The following SHISA9 variants were observed in gnomAD, a reference collection of about 807,000 sequenced individuals.
SHISA9 encodes the protein shisa family member 9.
Under a neutral mutation model 38.0 loss-of-function variants are expected in SHISA9, and 13 were observed. That is an observed-to-expected ratio of 0.34 (90% CI 0.22 to 0.54). SHISA9 has a LOEUF of 0.54. Among genes scored for constraint, SHISA9 ranks in the 20% least tolerant of loss-of-function variants. SHISA9 has a pLI of 0.91. For synonymous variants in SHISA9, 275 were observed against 242.0 expected, an observed-to-expected ratio of 1.14 and a Z score of -1.27; for missense variants, 538 against 575.8, an observed-to-expected ratio of 0.93 and a Z score of 0.67.
At chr16:12,929,029 A>G (rs1469209131) in intron 2 of SHISA9, among the ~76,000 whole-genome samples, 1 of 152,226 alleles carries the variant, frequency 6.6e-6, no homozygotes, top group African/African-American at 2.4e-5. Flanking sequence ...TGGCCAAAAA[A>G]CATAGAAAAA....
downstream of SHISA9, among the ~76,000 whole-genome samples, chr16:13,244,073 T>C (rs1439460395): frequency 6.6e-6 from 1 of 152,108 alleles, no homozygotes; most frequent in Non-Finnish European, 1.5e-5. Context: ...GGCTTTCTGA[T>C]TCTCTAACAG....
At chr16:12,947,698 C>T (rs892307259) in intron 2 of SHISA9, among the ~76,000 whole-genome samples, 1 of 152,170 alleles carries the variant, frequency 6.6e-6, no homozygotes, top group African/African-American at 2.4e-5. Flanking sequence ...GATAACTCAT[C>T]TATCACTGGG....
At chr16:13,440,551 G>A in the SHISA9 span, among the ~76,000 whole-genome samples, 3 of 152,200 alleles carry the variant, frequency 2.0e-5, no homozygotes, top group Admixed American at 2.0e-4. Context: ...TAGTTATTCT[G>A]TTAACAGAGT....
chr16:13,231,803 T>C, intron 4 of SHISA9, among the ~76,000 whole-genome samples: 1 of 152,192 alleles, frequency 6.6e-6, no homozygotes, highest in East Asian at 1.9e-4. Context: ...CAGGGACATA[T>C]TTTTGTTTCA....
chr16:13,517,954 C>T, the SHISA9 span, among the ~76,000 whole-genome samples: 1 of 152,312 alleles, frequency 6.6e-6, no homozygotes, highest in East Asian at 1.9e-4. Flanking sequence ...TTTACAGAAT[C>T]CCTGCTCTTC....
At chr16:13,415,903 T>C in the SHISA9 span, among the ~76,000 whole-genome samples, 1,974 of 152,082 alleles carry the variant, frequency 0.013, 51 homozygotes, top group African/African-American at 0.045. Flanking sequence ...ATTATATTTA[T>C]ATGAAATTCA....
chr16:13,344,131 G>C, the SHISA9 span, among the ~76,000 whole-genome samples: 1 of 152,110 alleles, frequency 6.6e-6, no homozygotes, highest in Non-Finnish European at 1.5e-5. Context: ...CTCTTCAAGG[G>C]AAAACCCTGG....
At chr16:13,549,240 T>C in the SHISA9 span, among the ~76,000 whole-genome samples, 2 of 152,116 alleles carry the variant, frequency 1.3e-5, no homozygotes. Context: ...AATGGGGAGA[T>C]GTAGGTCAGT....
intron 2 of SHISA9, among the ~76,000 whole-genome samples, chr16:13,164,547 A>G (rs2050620488): frequency 6.6e-6 from 1 of 152,088 alleles, no homozygotes; most frequent in African/African-American, 2.4e-5. Flanking sequence ...GTTTTGTAAA[A>G]TTAATATTAT....
the SHISA9 span, among the ~76,000 whole-genome samples, chr16:13,423,556 A>G: frequency 1.3e-5 from 2 of 152,122 alleles, no homozygotes; most frequent in Non-Finnish European, 2.9e-5. Context: ...ATCCAAATAA[A>G]ACAACTCATT....
At chr16:13,321,344 G>C in the SHISA9 span, among the ~76,000 whole-genome samples, 1 of 152,194 alleles carries the variant, frequency 6.6e-6, no homozygotes, top group African/African-American at 2.4e-5. Context: ...GTCAATAAAT[G>C]AATGAATGAA....
At chr16:13,541,475 T>C in the SHISA9 span, among the ~76,000 whole-genome samples, 1 of 152,198 alleles carries the variant, frequency 6.6e-6, no homozygotes, top group Non-Finnish European at 1.5e-5. Context: ...CTACAAACCA[T>C]TTACGAAGCA....
At chr16:13,009,098 A>AT (rs11294823) in intron 2 of SHISA9, among the ~76,000 whole-genome samples, 9,773 of 146,576 alleles carry the variant, frequency 0.067, 742 homozygotes, top group African/African-American at 0.19. Context: ...GTGTGTGTGT[A>AT]TTTTTTTTTT....
the SHISA9 span, among the ~76,000 whole-genome samples, chr16:13,273,996 G>A: frequency 1.3e-5 from 2 of 152,078 alleles, no homozygotes; most frequent in Non-Finnish European, 2.9e-5. Context: ...GTTGTTTTTA[G>A]AAAAGAATCA....
chr16:13,173,617 A>T (rs2050707649), intron 2 of SHISA9, among the ~76,000 whole-genome samples: 1 of 152,150 alleles, frequency 6.6e-6, no homozygotes. Flanking sequence ...TGGTTGTCAC[A>T]ACTTGCAGGA....
the SHISA9 span, among the ~76,000 whole-genome samples, chr16:13,363,245 C>T: frequency 1.3e-5 from 2 of 152,228 alleles, no homozygotes; most frequent in Non-Finnish European, 2.9e-5. Context: ...TTTAATATCA[C>T]AACTTGAAGT....
chr16:13,019,943 CTTT>C (rs1567184228), intron 2 of SHISA9, among the ~76,000 whole-genome samples: 32 of 93,638 alleles, frequency 3.4e-4, no homozygotes, highest in East Asian at 8.2e-4. Context: ...TTCTTTCTTT[CTTT>C]CTTTCTTTCT....
At chr16:13,531,950 TGACAC>T in the SHISA9 span, among the ~76,000 whole-genome samples, 1 of 152,206 alleles carries the variant, frequency 6.6e-6, no homozygotes, top group Non-Finnish European at 1.5e-5. Context: ...CATTTAGTGA[TGACAC>T]GAAGAAGAAG....
the SHISA9 span, among the ~76,000 whole-genome samples, chr16:13,380,135 T>C: frequency 4.6e-5 from 7 of 151,872 alleles, no homozygotes; most frequent in Admixed American, 4.6e-4. Context: ...CAGTTCAAGA[T>C]GTCCAGTATT....
Sources: gnomAD v4.1 joint callset for allele counts (sites outside exome capture counted in the v4.1 genomes callset) on GRCh38, gnomAD v4.1.1 for gene constraint, MANE v1.5 for transcripts, NCBI Gene and HGNC (gene_info 2026-07-23, HGNC 2026-07-21) for gene names.